The following OTUD7A variants were observed in gnomAD, a reference collection of about 807,000 sequenced individuals.
OTUD7A encodes the protein OTU domain-containing protein 7A.
A neutral mutation model predicts 65.7 loss-of-function variants in OTUD7A; 12 were observed. The observed-to-expected ratio is 0.18, with a 90% CI of 0.12 to 0.30. OTUD7A has a LOEUF of 0.30. OTUD7A is among the 10% of genes least tolerant of loss of function. The pLI is 1.00. For missense variants in OTUD7A, 1,148 were observed against 1,304.8 expected (o/e 0.88, Z 1.85); for synonymous variants, 641 against 586.3 (o/e 1.09, Z -1.35).
chr15:31,762,121 T>C (rs1211281200), intron 1 of OTUD7A, among the ~76,000 whole-genome samples: 9 of 152,216 alleles, frequency 5.9e-5, no homozygotes, highest in Admixed American at 5.2e-4. Context: ...ACTGTACTTT[T>C]AGTGGGTGAA....
chr15:31,521,737 A>G (rs2041940283), intron 8 of OTUD7A, among the ~76,000 whole-genome samples: 1 of 152,216 alleles, frequency 6.6e-6, no homozygotes, highest in South Asian at 2.1e-4. Context: ...TGTCAGTGAA[A>G]TTTCAGAAAC....
chr15:31,796,128 A>C (rs1895946186), intron 1 of OTUD7A, among the ~76,000 whole-genome samples: 1 of 128,666 alleles, frequency 7.8e-6, no homozygotes, highest in African/African-American at 2.9e-5. Flanking sequence ...GAGAAGCAGA[A>C]CCAGTAAGGG....
intron 1 of OTUD7A, among the ~76,000 whole-genome samples, chr15:31,775,536 C>T (rs936330905): frequency 8.5e-5 from 13 of 152,216 alleles, no homozygotes; most frequent in African/African-American, 3.1e-4. Context: ...ATTGAAGAGA[C>T]TCATTGAGAT....
chr15:31,701,883 T>C (rs1017111268), intron 1 of OTUD7A, among the ~76,000 whole-genome samples: 6 of 151,698 alleles, frequency 4.0e-5, no homozygotes, highest in South Asian at 2.1e-4. Flanking sequence ...CTCATGAATA[T>C]AGATGCAAAA....
chr15:31,647,751 C>T (rs2141269646), intron 3 of OTUD7A, among the ~76,000 whole-genome samples: 1 of 152,142 alleles, frequency 6.6e-6, no homozygotes, highest in African/African-American at 2.4e-5. Context: ...TAATAGATCA[C>T]TCTACTGAGG....
At chr15:31,666,981 T>A (rs780026184) in intron 1 of OTUD7A, among the ~76,000 whole-genome samples, 1 of 152,208 alleles carries the variant, frequency 6.6e-6, no homozygotes, top group Non-Finnish European at 1.5e-5. Context: ...GCCTCCACTG[T>A]GGTCTGAGAG....
chr15:31,760,957 C>T (rs1273449144), intron 1 of OTUD7A, among the ~76,000 whole-genome samples: 1 of 151,648 alleles, frequency 6.6e-6, no homozygotes, highest in Non-Finnish European at 1.5e-5. Flanking sequence ...AAATAATGGT[C>T]GGGCAACTTA....
intron 1 of OTUD7A, chr15:31,768,163 G>A (rs1895137721): frequency 1.4e-6 from 2 of 1,480,816 alleles, no homozygotes; most frequent in South Asian, 1.1e-5. Context: ...ACAGCTTGGT[G>A]GCCCGATAAG....
intron 5 of OTUD7A, among the ~76,000 whole-genome samples, chr15:31,547,696 C>T (rs1399705481): frequency 6.6e-6 from 1 of 152,052 alleles, no homozygotes; most frequent in Non-Finnish European, 1.5e-5. Flanking sequence ...CATTATGTAT[C>T]CCTGCATTTT....
intron 8 of OTUD7A, among the ~76,000 whole-genome samples, chr15:31,513,300 C>G (rs2041786864): frequency 3.3e-5 from 5 of 152,342 alleles, no homozygotes; most frequent in Admixed American, 2.6e-4. Flanking sequence ...ACCTGGCACC[C>G]CATCACCCTG....
chr15:31,568,619 T>C (rs926572334), intron 4 of OTUD7A, among the ~76,000 whole-genome samples: 3 of 152,162 alleles, frequency 2.0e-5, no homozygotes, highest in Non-Finnish European at 2.9e-5. Context: ...ATTGATATAG[T>C]TTGGATATTT....
chr15:31,840,672 C>T (rs1337986817), intron 1 of OTUD7A, among the ~76,000 whole-genome samples: 1 of 152,042 alleles, frequency 6.6e-6, no homozygotes, highest in East Asian at 1.9e-4. Flanking sequence ...AAGGTAAATG[C>T]TCAGGTTTCA....
At chr15:31,802,123 G>GTATATATA (rs1178403106) in intron 1 of OTUD7A, among the ~76,000 whole-genome samples, 1 of 135,282 alleles carries the variant, frequency 7.4e-6, no homozygotes, top group African/African-American at 2.7e-5. Flanking sequence ...GTGTGTGTGT[G>GTATATATA]TGTGTGTGTG....
intron 3 of OTUD7A, among the ~76,000 whole-genome samples, chr15:31,633,364 C>T (rs938457845): frequency 2.0e-5 from 3 of 152,220 alleles, no homozygotes; most frequent in South Asian, 2.1e-4. Flanking sequence ...CCAACTTCTA[C>T]ACTAGATATT....
intron 1 of OTUD7A, among the ~76,000 whole-genome samples, chr15:31,826,966 G>A (rs544698990): frequency 3.3e-5 from 5 of 152,284 alleles, no homozygotes; most frequent in South Asian, 4.1e-4. Context: ...CACTATCAGC[G>A]TTTTGGGCAA....
chr15:31,765,990 T>C, intron 1 of OTUD7A: 2 of 1,534,512 alleles, frequency 1.3e-6, no homozygotes, highest in Non-Finnish European at 1.8e-6. Context: ...TTTTTGCTCA[T>C]CAAACTCCTG....
chr15:31,519,018 G>A (rs1015922365), intron 8 of OTUD7A, among the ~76,000 whole-genome samples: 4 of 152,274 alleles, frequency 2.6e-5, no homozygotes, highest in Non-Finnish European at 4.4e-5. Flanking sequence ...GCAGTGGCCA[G>A]TGTGGCTTGA....
At chr15:31,528,850 G>A (rs566186629) in intron 6 of OTUD7A, among the ~76,000 whole-genome samples, 84 of 152,372 alleles carry the variant, frequency 5.5e-4, no homozygotes, top group African/African-American at 1.8e-3. Context: ...CCAGTCCTGC[G>A]GAGTTTAGCT....
chr15:31,590,088 C>T (rs1024010496), intron 3 of OTUD7A, among the ~76,000 whole-genome samples: 1 of 152,162 alleles, frequency 6.6e-6, no homozygotes, highest in Non-Finnish European at 1.5e-5. Flanking sequence ...GGTATTCTCA[C>T]AAGAGTATAG....
Sources: allele counts gnomAD v4.1 joint callset (sites outside exome capture counted in the v4.1 genomes callset), GRCh38; gene constraint gnomAD v4.1.1; transcripts MANE v1.5; gene names NCBI Gene and HGNC (gene_info 2026-07-23, HGNC 2026-07-21).